Variants in TONSL observed in about 807,000 individuals in gnomAD.
TONSL encodes tonsoku-like protein.
TONSL carries 112 observed loss-of-function variants against 147.1 expected under a neutral mutation model. The ratio of observed to expected loss-of-function variants is 0.76; its 90% confidence interval spans 0.65 to 0.89. TONSL has a LOEUF of 0.89. Among genes scored for constraint, TONSL ranks in the 40% least tolerant of loss-of-function variants. The pLI, the probability that TONSL is intolerant of heterozygous loss-of-function variation, is 0.00. For synonymous variants in TONSL, 868 were observed against 801.5 expected (o/e 1.08, Z -1.40); for missense variants, 1,883 against 1,864.6 (o/e 1.01, Z -0.18).
chr8:144,436,001 G>T lies in TONSL; in HGVS notation c.2432C>A (p.Pro811Gln). The T allele has an allele frequency of 1.3e-6, 2 of 1,551,880 alleles. No individual in the cohort carries two copies. The highest frequency in any genetic ancestry group is 2.3e-5 in the East Asian group (1 of 43,200). The change falls in exon 17 of 26, where the codon CCG becomes CAG. Residue 811 changes from proline (P) to glutamine (Q), a missense_variant. Transcript: ENST00000409379. ...SAQSRLGPGP[P>Q]RGHSKALAPQ... ...GGCAAGGGCTTTGCTGTGGCCCCGC[G>T]GTGGGCCAGGCCCCAGCCGGCTCTG...
intron 21 of TONSL, 61 bp from the exon 22 acceptor site, chr8:144,433,820 GGGCTT>G (rs1823320968): frequency 6.6e-7 from 1 of 1,505,308 alleles, no homozygotes; most frequent in Non-Finnish European, 8.9e-7. Context: ...GTCCCCCTTG[GGGCTT>G]GGCTTGGCAG....
chr8:144,435,195 TGCTGCC>T, intron 18 of TONSL, 25 bp from the exon 19 acceptor site: 1 of 1,486,276 alleles, frequency 6.7e-7, no homozygotes. Flanking sequence ...GCGCTGCTGC[TGCTGCC>T]TGCACACAGC....
Position 144,436,075 on chromosome 8 carries a change from G to A in TONSL, c.2358C>T (p.Ser786=), listed in dbSNP as rs767627318. 3.2e-6 allele frequency: 5 copies of A among 1,569,270 alleles called. No homozygotes were observed. The highest frequency in any genetic ancestry group is 4.3e-6 in the Non-Finnish European group (5 of 1,164,720). ...CTGCCTGGTAGGCTGCCCGGCTGGT[G>A]CTGGCTGTGGCTGCTTCCCTGTTGC... is the stretch of plus-strand genomic sequence containing the variant. The part of the protein sequence containing the change: ...PASNREAATA[S]TSRAAYQAAI... Residue 786 remains serine, a synonymous_variant, in exon 17 of 26, where the codon AGC becomes AGT. Transcript: ENST00000409379.
chr8:144,429,109 G>C lies in TONSL; in HGVS notation c.*34C>G, dbSNP rs1823048241. On this transcript the variant is annotated 3_prime_UTR_variant, in exon 26 of 26. Coordinates refer to ENST00000409379, the MANE Select transcript of TONSL (RefSeq NM_013432.5). ...CGGCCAGCAGCTTCATTTATTAGGG[G>C]CTTCGGTGAGGGTGGGGAAAGGCAG... The C allele has an allele frequency of 3.3e-6, 5 of 1,493,378 alleles. No homozygotes were observed. Among genetic ancestry groups the C allele is most frequent in the Non-Finnish European group, 3.6e-6 (4 of 1,126,704 alleles). 92.5% of individuals were successfully genotyped at this position (1,493,378 alleles called of 1,614,324 possible). A position where few individuals can be genotyped will look rare whatever the true frequency, so the allele number is the denominator to read the frequency against.
Position 144,432,363 on chromosome 8 carries a change from C to T in TONSL, c.3657G>A (p.Leu1219=), listed in dbSNP as rs1823241484. ...CTGCCACGGAGCTGAGCTCTAAGTG[C>T]AGGAGGGTGCCGGCGGGCAGGCTCT... is the stretch of plus-strand genomic sequence containing the variant. ...TLQSLPAGTL[L]HLELSSVAAG... is the part of the protein sequence containing the mutation. The change falls in exon 23 of 26, where the codon CTG becomes CTA. Residue 1219 remains leucine (L), a synonymous_variant. Coordinates refer to ENST00000409379, the MANE Select transcript of TONSL (RefSeq NM_013432.5). 1 of 1,613,320 alleles carries T rather than the reference C, an allele frequency of 6.2e-7. No homozygotes were observed. The highest frequency in any genetic ancestry group is 1.1e-5 in the South Asian group (1 of 91,052).
intron 9 of TONSL, 94 bp downstream of exon 9, chr8:144,440,624 A>T (rs1278359116): frequency 6.5e-7 from 1 of 1,537,836 alleles, no homozygotes; most frequent in Non-Finnish European, 8.8e-7. Context: ...CTGCCCGTCC[A>T]GTAAGGACAC....
rs964283258 is a variant in TONSL, at chr8:144,441,951, T to C, written c.865+86A>G. On this transcript the variant is annotated intron_variant, in intron 7 of 25. Transcript: ENST00000409379. Reference sequence around the variant, plus strand: ...GCCTCCTCTGTGAGGGAGAGAGCCCTGTACACACCTGGCGGGACTCCACCC... The same window carrying C: ...GCCTCCTCTGTGAGGGAGAGAGCCCCGTACACACCTGGCGGGACTCCACCC... 1.9e-5 allele frequency: 22 copies of C among 1,184,154 alleles called. No homozygotes were observed. In the African/African-American group the frequency reaches 2.6e-4, roughly 14 times the overall value. The allele number at this position is 1,184,154 out of a possible 1,614,324, so 73.4% of individuals were successfully genotyped here. A position where few individuals can be genotyped will look rare whatever the true frequency, so the allele number is the denominator to read the frequency against.
At chr8:144,432,254 A>G (rs1554878842) in intron 23 of TONSL, 31 bp downstream of exon 23, 3 of 1,608,648 alleles carry the variant, frequency 1.9e-6, no homozygotes, top group South Asian at 1.1e-5. Context: ...TCTGAGGCTC[A>G]GTATTTTCTG....
intron 18 of TONSL, 146 bp from the exon 19 acceptor site, chr8:144,435,316 G>T: frequency 7.9e-7 from 1 of 1,259,338 alleles, no homozygotes; most frequent in Non-Finnish European, 1.1e-6. Flanking sequence ...CTGCAGCCCA[G>T]CACACCACCA....
chr8:144,436,732 T>C, intron 15 of TONSL, 25 bp downstream of exon 15: 1 of 1,610,448 alleles, frequency 6.2e-7, no homozygotes, highest in South Asian at 1.1e-5. Flanking sequence ...AACCTCGCCC[T>C]TGCCCTCTGC....
intron 11 of TONSL, among the ~76,000 whole-genome samples, chr8:144,439,428 C>G (rs1429220537): frequency 6.6e-6 from 1 of 151,322 alleles, no homozygotes; most frequent in Non-Finnish European, 1.5e-5. Context: ...ACGACGCCCT[C>G]GAGTTCAGAG....
rs773676617 is a variant in TONSL at position 144,434,860 on chromosome 8, C to T, written c.3036G>A (p.Leu1012=). ...EVLAEVTSWD[L]PPLTDRYRRA... ...TGCGGTAGCGGTCAGTCAACGGGGG[C>T]AGGTCCCACGAAGTCACCTCAGCCA... The change falls in exon 20 of 26, where the codon CTG becomes CTA. Residue 1012 remains leucine (L), a synonymous_variant. Coordinates refer to ENST00000409379, the MANE Select transcript of TONSL (RefSeq NM_013432.5). The T allele has an allele frequency of 3.5e-5, 57 of 1,613,312 alleles. No homozygotes were observed. Among genetic ancestry groups the T allele is most frequent in the Non-Finnish European group, 4.7e-5 (56 of 1,179,956 alleles).
intron 23 of TONSL, 61 bp downstream of exon 23, chr8:144,432,223 GC>G: frequency 1.9e-6 from 3 of 1,567,208 alleles, no homozygotes; most frequent in Non-Finnish European, 2.6e-6. Flanking sequence ...GCTCCTCCCA[GC>G]AACCCTGGGA....
In TONSL at chr8:144,438,482, G is replaced by A. The variant is rs762369124; in HGVS notation, c.1642C>T (p.Leu548Phe). ...IEGQLRRVQD[L>F]VRQGHPLNPR... ...AGAGCGGGGCCCACCTGCCTCACAA[G>A]GTCCTGGACGCGGCGCAGCTGGCCC... is the stretch of plus-strand genomic sequence containing the variant. Residue 548 changes from leucine to phenylalanine, a missense_variant, in exon 13 of 26, where the codon CTT (leucine) becomes TTT (phenylalanine). Coordinates refer to ENST00000409379, the MANE Select transcript of TONSL (RefSeq NM_013432.5). 1.9e-6 allele frequency: 3 copies of A among 1,612,734 alleles called. No homozygotes were observed. The Admixed American group carries it at 5.0e-5, about 27-fold the overall frequency.
rs1823663452 is a variant in TONSL at position 144,440,354 on chromosome 8, C to T, written c.1287G>A (p.Leu429=). Residue 429 remains leucine, a synonymous_variant, in exon 10 of 26, where the codon CTG becomes CTA. Transcript: ENST00000409379. ...SCAQQAQRPQ[L]QRQVLQHLHT... ...TGGGTGGGATGGGCTCTCGCACCTGCAGCTGGGGACGCTGGGCCTGCTGGG... is the reference window on the plus strand; with the variant it reads ...TGGGTGGGATGGGCTCTCGCACCTGTAGCTGGGGACGCTGGGCCTGCTGGG... 3 of 1,587,668 alleles carry T rather than the reference C, an allele frequency of 1.9e-6. No individual in the cohort carries two copies. The highest frequency in any genetic ancestry group is 1.3e-5 in the African/African-American group (1 of 74,232).
In TONSL at chr8:144,434,187, T is replaced by C; in HGVS notation, c.3178A>G (p.Thr1060Ala). Residue 1060 changes from threonine to alanine, a missense_variant, in exon 21 of 26, where the codon ACA (threonine) becomes GCA (alanine). By Grantham distance (58) the Thr-to-Ala change is moderately conservative (BLOSUM62 0). Transcript: ENST00000409379. ...CSLALDQAQL[T>A]PLLRALKLHT... ...AGCTTGAGGGCCCGCAGCAGGGGTGTAAGCTGGGCCTGGTCCAGGGCCAGG... is the reference window on the plus strand; with the variant it reads ...AGCTTGAGGGCCCGCAGCAGGGGTGCAAGCTGGGCCTGGTCCAGGGCCAGG... 1 of 1,599,258 alleles carries C rather than the reference T, an allele frequency of 6.3e-7. No individual in the cohort carries two copies.
At position 144,442,378 on chromosome 8, in the gene TONSL, G is replaced by T; in HGVS notation, c.613C>A (p.Arg205Ser). The T allele has an allele frequency of 6.3e-7, 1 of 1,575,702 alleles. No individual in the cohort carries two copies. Among genetic ancestry groups the T allele is most frequent in the Non-Finnish European group, 8.6e-7 (1 of 1,157,380 alleles). The change falls in exon 6 of 26, where the codon CGC (arginine) becomes AGC (serine). Residue 205 changes from arginine (R) to serine (S), a missense_variant. By Grantham distance (110) the Arg-to-Ser change is moderately radical (BLOSUM62 -1). Coordinates refer to ENST00000409379, the MANE Select transcript of TONSL (RefSeq NM_013432.5). The part of the protein sequence containing the change: ...NHLYEDLFRA[R>S]YNLGTIHWRA... ...CAGTGGATGGTGCCCAGGTTGTAGCGGGCGCGGAATAGGTCCTCGTAAAGG... is the reference window on the plus strand; with the variant it reads ...CAGTGGATGGTGCCCAGGTTGTAGCTGGCGCGGAATAGGTCCTCGTAAAGG...
At chr8:144,438,101 A>G in intron 13 of TONSL, 1 of 267,876 alleles carries the variant, frequency 3.7e-6, no homozygotes, top group African/African-American at 2.2e-5. Context: ...AGGTCTTGCC[A>G]GGGTGCCCAG....
Position 144,435,880 on chromosome 8 carries a change from C to A in TONSL, c.2553G>T (p.Arg851=). The A allele has an allele frequency of 6.3e-7, 1 of 1,598,358 alleles. No homozygotes were observed. The highest frequency in any genetic ancestry group is 1.3e-5 in the African/African-American group (1 of 74,246). ...TGGGCCTGCGGTTGTCTCCAGTGCC[C>A]CGGGGGCGGGGCCGGCGGCTGCGGG... The part of the protein sequence containing the change: ...PLTRSRRPRP[R]GTGDNRRPSS... The change falls in exon 17 of 26, where the codon CGG becomes CGT. Residue 851 remains arginine (R), a synonymous_variant. Coordinates refer to ENST00000409379, the MANE Select transcript of TONSL (RefSeq NM_013432.5).
Sources: gnomAD v4.1 joint callset for allele counts (sites outside exome capture counted in the v4.1 genomes callset) on GRCh38, gnomAD v4.1.1 for gene constraint, MANE v1.5 for transcripts, NCBI Gene and HGNC (gene_info 2026-07-23, HGNC 2026-07-21) for gene names.